BRAF: variants seen among roughly 807,000 people sequenced by gnomAD.
BRAF encodes the protein B-Raf proto-oncogene, serine/threonine kinase, also known as serine/threonine-protein kinase B-raf.
BRAF carries 16 observed loss-of-function variants against 104.6 expected under a neutral mutation model. The observed-to-expected ratio is 0.15, with a 90% CI of 0.10 to 0.23. BRAF has a LOEUF of 0.23. Among genes scored for constraint, BRAF ranks in the 10% least tolerant of loss-of-function variants. The probability of loss-of-function intolerance (pLI) is 1.00; values close to 1 mark genes in which losing one functional copy is unlikely to be tolerated. For missense variants in BRAF, 541 were observed against 937.3 expected, an observed-to-expected ratio of 0.58 and a Z score of 5.52; for synonymous variants, 310 against 341.6, an observed-to-expected ratio of 0.91 and a Z score of 1.02.
intron 19 of BRAF, chr7:140,726,584 C>T: frequency 1.5e-6 from 2 of 1,291,816 alleles, no homozygotes; most frequent in South Asian, 1.3e-5. Context: ...ACAGAAAAGC[C>T]TCATTTGAGC....
chr7:140,917,103 A>G (rs1817710627), intron 1 of BRAF, among the ~76,000 whole-genome samples: 1 of 152,190 alleles, frequency 6.6e-6, no homozygotes, highest in Non-Finnish European at 1.5e-5. Context: ...CTGCTTCACA[A>G]TTGCTGGAGT....
At chr7:140,882,511 G>GGGACTA (rs1289846352) in intron 1 of BRAF, among the ~76,000 whole-genome samples, 3 of 151,732 alleles carry the variant, frequency 2.0e-5, no homozygotes, top group Admixed American at 6.6e-5. Flanking sequence ...CCAAGTAGCT[G>GGGACTA]GGACTACAGG....
In BRAF at chr7:140,794,299, G is replaced by A; in HGVS notation, c.1140+9C>T. ...TTTTTTTTTAGTTCTAGCAATGCTGGATACTTACATCAATATTGACAGGTT... is the reference window on the plus strand; with the variant it reads ...TTTTTTTTTAGTTCTAGCAATGCTGAATACTTACATCAATATTGACAGGTT... On this transcript the variant is annotated intron_variant, in intron 8 of 19. Transcript: ENST00000644969. The A allele has an allele frequency of 1.2e-6, 2 of 1,613,698 alleles. No homozygotes were observed. Among genetic ancestry groups the A allele is most frequent in the Non-Finnish European group, 8.5e-7 (1 of 1,179,916 alleles).
intron 12 of BRAF, chr7:140,780,769 T>C (rs1342625818): frequency 6.6e-6 from 1 of 152,204 alleles, no homozygotes; most frequent in East Asian, 1.9e-4. Context: ...TTCATTGATA[T>C]TAAACCTTTG....
chr7:140,899,248 TGCAAA>T (rs940986101), intron 1 of BRAF, among the ~76,000 whole-genome samples: 2 of 102,346 alleles, frequency 2.0e-5, no homozygotes, highest in Admixed American at 1.6e-4. Flanking sequence ...TTGTTAAAAA[TGCAAA>T]GCAAACTATC....
At chr7:140,861,980 A>G (rs1810467384) in intron 1 of BRAF, among the ~76,000 whole-genome samples, 1 of 152,198 alleles carries the variant, frequency 6.6e-6, no homozygotes, top group African/African-American at 2.4e-5. Context: ...GGGTGGCCTT[A>G]AGCCTGCCTC....
At chr7:140,826,339 C>T (rs1806046818) in intron 3 of BRAF, among the ~76,000 whole-genome samples, 2 of 151,822 alleles carry the variant, frequency 1.3e-5, no homozygotes, top group African/African-American at 2.4e-5. Context: ...TTCTTTTTTT[C>T]TATGTTTTCA....
chr7:140,763,289 A>AC lies in BRAF; in HGVS notation c.1815-9057dup, dbSNP rs1282224178. 2.1e-3 allele frequency among the ~76,000 whole-genome samples: 274 copies of AC among 128,726 alleles called. 1 individual carries two copies. The highest frequency in any genetic ancestry group is 6.0e-3 in the South Asian group (24 of 4,006). The allele number at this position is 128,726 out of a possible 152,430, so 84.4% of individuals were successfully genotyped here. ...GGGTGGCTGGCCGGGCGGGGGGCTG[A>AC]CCCCCCCCACCTCCCTCCTGGACAG... On this transcript the variant is annotated intron_variant, in intron 14 of 19. Transcript: ENST00000644969.
At chr7:140,806,108 T>G (rs966751442) in intron 5 of BRAF, among the ~76,000 whole-genome samples, 3 of 152,308 alleles carry the variant, frequency 2.0e-5, no homozygotes, top group Admixed American at 1.3e-4. Flanking sequence ...CCTTGTATCA[T>G]CCATTCTGAA....
chr7:140,755,882 G>T (rs1249276267), intron 14 of BRAF, among the ~76,000 whole-genome samples: 1 of 151,888 alleles, frequency 6.6e-6, no homozygotes, highest in Non-Finnish European at 1.5e-5. Context: ...TACAGCCAAG[G>T]TGTTGGTCTT....
Position 140,924,737 on chromosome 7 carries a change from T to G in BRAF, c.-34A>C. On this transcript the variant is annotated 5_prime_UTR_variant, in exon 1 of 20. Transcript: ENST00000644969. The surrounding 1 kb of genome is among the most constrained non-coding windows in gnomAD (Gnocchi z 4.2). ...CGAGAGCCGGGGCCCGAGCGGCCGC[T>G]GTCGGGCGGGGAGGGGGAAGGGAGG... 4.0e-6 allele frequency: 3 copies of G among 749,608 alleles called. No homozygotes were observed. Among genetic ancestry groups the G allele is most frequent in the Non-Finnish European group, 2.2e-6 (1 of 462,078 alleles). The allele number at this position is 749,608 out of a possible 1,614,324, so 46.4% of individuals were successfully genotyped here.
chr7:140,737,922 C>G (rs1220698569), intron 18 of BRAF, among the ~76,000 whole-genome samples: 1 of 152,152 alleles, frequency 6.6e-6, no homozygotes, highest in Non-Finnish European at 1.5e-5. Flanking sequence ...AAGTATGGAG[C>G]TAAGCATTTT....
chr7:140,907,858 C>T (rs1451196977), intron 1 of BRAF, among the ~76,000 whole-genome samples: 1 of 152,116 alleles, frequency 6.6e-6, no homozygotes, highest in Non-Finnish European at 1.5e-5. Context: ...GATTCTCCCA[C>T]CTCAGCCTCC....
intron 1 of BRAF, among the ~76,000 whole-genome samples, chr7:140,872,972 T>C (rs1811780270): frequency 6.6e-6 from 1 of 152,134 alleles, no homozygotes; most frequent in Non-Finnish European, 1.5e-5. Context: ...AAGAAAACAG[T>C]ATCTTCAAAA....
At chr7:140,713,349 A>AT in the BRAF span, among the ~76,000 whole-genome samples, 3 of 151,974 alleles carry the variant, frequency 2.0e-5, no homozygotes. Context: ...TTCTTGCTTC[A>AT]TTTCATTCAT....
intron 16 of BRAF, among the ~76,000 whole-genome samples, chr7:140,751,269 C>T (rs950603644): frequency 4.6e-5 from 7 of 151,610 alleles, no homozygotes; most frequent in Non-Finnish European, 8.8e-5. Context: ...AAACTGGAGA[C>T]TTGATTGAGC....
At chr7:140,744,553 G>A (rs115005750) in intron 17 of BRAF, among the ~76,000 whole-genome samples, 1,806 of 152,214 alleles carry the variant, frequency 0.012, 30 homozygotes, top group African/African-American at 0.035. Context: ...GCTGGTCTTG[G>A]GGACTACTAA....
intron 1 of BRAF, among the ~76,000 whole-genome samples, chr7:140,864,253 T>C (rs987800129): frequency 2.6e-5 from 4 of 152,090 alleles, no homozygotes; most frequent in African/African-American, 9.7e-5. Context: ...CAAGAGATGA[T>C]TGCTTGGACC....
chr7:140,889,438 CATTTT>C (rs1479767491), intron 1 of BRAF, among the ~76,000 whole-genome samples: 1 of 151,950 alleles, frequency 6.6e-6, no homozygotes, highest in African/African-American at 2.4e-5. Context: ...AAAATATTAC[CATTTT>C]CTTCAGTAGT....
Sources: gnomAD v4.1 joint callset for allele counts (sites outside exome capture counted in the v4.1 genomes callset) on GRCh38, gnomAD v4.1.1 for gene constraint, Gnocchi (gnomAD v3.1) non-coding constraint, MANE v1.5 for transcripts, NCBI Gene and HGNC (gene_info 2026-07-23, HGNC 2026-07-21) for gene names.